The following ARHGEF18 variants were observed in gnomAD, a reference collection of about 807,000 sequenced individuals.
The protein encoded by ARHGEF18 is rho guanine nucleotide exchange factor 18.
ARHGEF18 carries 93 observed loss-of-function variants against 155.7 expected under a neutral mutation model. That is an observed-to-expected ratio of 0.60 (90% CI 0.50 to 0.71). ARHGEF18 has a LOEUF of 0.71. Among genes scored for constraint, ARHGEF18 ranks in the 30% least tolerant of loss-of-function variants. The pLI is 0.00. For missense variants in ARHGEF18, 1,593 were observed against 1,816.1 expected (o/e 0.88, Z 2.23); for synonymous variants, 742 against 753.1 (o/e 0.99, Z 0.24).
rs3810214 is a variant in ARHGEF18 at position 7,395,021 on chromosome 19, C to T, written c.967+11818C>T. The T allele has an allele frequency of 0.25, 244,424 of 982,178 alleles. 31,736 individuals carry two copies. Among genetic ancestry groups the T allele is most frequent in the Non-Finnish European group, 0.27 (219,937 of 827,034 alleles). 60.8% of individuals were successfully genotyped at this position (982,178 alleles called of 1,614,324 possible). A position where few individuals can be genotyped will look rare whatever the true frequency, so the allele number is the denominator to read the frequency against. On this transcript the variant is annotated intron_variant, in intron 10 of 28. Coordinates refer to ENST00000668164, the MANE Select transcript of ARHGEF18 (RefSeq NM_001367823.1). This position sits in a 1 kb window ranked among gnomAD's most constrained non-coding sequence, Gnocchi z 5.0. Reference sequence around the variant, plus strand: ...GGCTCGGGGAGCAGCAGCCCCAGGTCCCCGGGAGCGCCCCGCCCTCGAGGG... The same window carrying T: ...GGCTCGGGGAGCAGCAGCCCCAGGTTCCCGGGAGCGCCCCGCCCTCGAGGG...
At chr19:7,415,734 G>GAGA (rs1396196232) in intron 10 of ARHGEF18, among the ~76,000 whole-genome samples, 1 of 151,940 alleles carries the variant, frequency 6.6e-6, no homozygotes, top group Non-Finnish European at 1.5e-5. Flanking sequence ...CATGACCACA[G>GAGA]AGACCCGCAG....
chr19:7,420,128 A>C (rs1176490776), intron 10 of ARHGEF18, among the ~76,000 whole-genome samples: 1 of 152,058 alleles, frequency 6.6e-6, no homozygotes, highest in Admixed American at 6.6e-5. Flanking sequence ...AGCTCTCTCT[A>C]TATATTTTAG....
chr19:7,454,717 G>T (rs887194960), intron 17 of ARHGEF18, among the ~76,000 whole-genome samples: 1 of 152,162 alleles, frequency 6.6e-6, no homozygotes, highest in African/African-American at 2.4e-5. Context: ...TTGGAAGGGT[G>T]CAGTACACAC....
intron 10 of ARHGEF18, among the ~76,000 whole-genome samples, chr19:7,430,087 A>C (rs148715012): frequency 0.011 from 1,601 of 152,212 alleles, 39 homozygotes; most frequent in African/African-American, 0.036. Context: ...TTAATAACTG[A>C]TGACTAAACT....
Position 7,443,872 on chromosome 19 carries a change from C to A in ARHGEF18, c.1361-332C>A, listed in dbSNP as rs1057322533. ...TGAGCTGAGATTTTGCCACTGCACT[C>A]CAGCCTGGGCGACAGAGCAAGACTC... is the stretch of plus-strand genomic sequence containing the variant. On this transcript the variant is annotated intron_variant, in intron 13 of 28. Coordinates refer to ENST00000668164, the MANE Select transcript of ARHGEF18 (RefSeq NM_001367823.1). 1.7e-3 allele frequency among the ~76,000 whole-genome samples: 260 copies of A among 151,798 alleles called. 2 individuals carry two copies. The highest frequency in any genetic ancestry group is 2.6e-4 in the Non-Finnish European group (18 of 67,934).
At chr19:7,460,669 G>A (rs925357152) in intron 20 of ARHGEF18, among the ~76,000 whole-genome samples, 2 of 152,052 alleles carry the variant, frequency 1.3e-5, no homozygotes, top group African/African-American at 4.8e-5. Flanking sequence ...GGCTCCTCTC[G>A]AGGTGTGGTA....
chr19:7,466,326 T>G (rs1332180100), intron 23 of ARHGEF18, among the ~76,000 whole-genome samples: 1 of 142,400 alleles, frequency 7.0e-6, no homozygotes, highest in African/African-American at 2.7e-5. Flanking sequence ...GTGGTTTCAG[T>G]GAGCTGAGAT....
rs565647538 is a variant in ARHGEF18, at chr19:7,440,151, G to C, written c.968-193G>C. 4 of 1,551,286 alleles carry C rather than the reference G, an allele frequency of 2.6e-6. No individual in the cohort carries two copies. The highest frequency in any genetic ancestry group is 1.4e-5 in the African/African-American group (1 of 73,154). On this transcript the variant is annotated intron_variant, in intron 10 of 28. Transcript: ENST00000668164. This position sits in a 1 kb window ranked among gnomAD's most constrained non-coding sequence, Gnocchi z 5.4. ...CGGGGACAGGCACAGCGCGCTCCCCGGCCGCCCCGAGCTGTCTTTTTACGG... is the reference window on the plus strand; with the variant it reads ...CGGGGACAGGCACAGCGCGCTCCCCCGCCGCCCCGAGCTGTCTTTTTACGG...
At chr19:7,385,356 G>A (rs1044202431) in intron 10 of ARHGEF18, among the ~76,000 whole-genome samples, 6 of 151,952 alleles carry the variant, frequency 3.9e-5, no homozygotes, top group African/African-American at 1.2e-4. Flanking sequence ...AAATCCTGAG[G>A]TCTTTAAACT....
chr19:7,416,697 G>A lies in ARHGEF18; in HGVS notation c.968-23647G>A, dbSNP rs1215447144. 3.3e-5 allele frequency among the ~76,000 whole-genome samples: 5 copies of A among 149,518 alleles called. No individual in the cohort carries two copies. The Admixed American group carries it at 3.4e-4, about 10-fold the overall frequency. ...GGCTCACTGCAAACTCTGCCTCCCG[G>A]GTTCACACCATTCTCCTGCCTCAGC... is the stretch of plus-strand genomic sequence containing the variant. On this transcript the variant is annotated intron_variant, in intron 10 of 28. Coordinates refer to ENST00000668164, the MANE Select transcript of ARHGEF18 (RefSeq NM_001367823.1).
chr19:7,420,026 A>G (rs754568926), intron 10 of ARHGEF18, among the ~76,000 whole-genome samples: 46 of 149,442 alleles, frequency 3.1e-4, no homozygotes, highest in Admixed American at 6.0e-4. Context: ...CCCCAGGTGC[A>G]CCCACACTCA....
Position 7,470,142 on chromosome 19 carries a change from C to T in ARHGEF18, c.3930C>T (p.Ala1310=). The change falls in exon 29 of 29, where the codon GCC becomes GCT. Residue 1310 remains alanine, a synonymous_variant. Coordinates refer to ENST00000668164, the MANE Select transcript of ARHGEF18 (RefSeq NM_001367823.1). The surrounding 1 kb of genome is among the most constrained non-coding windows in gnomAD (Gnocchi z 5.9). Reference sequence around the variant, plus strand: ...CTGTTCCAGACCCTGGCTTCCCCGCCCCGAGCCCACCGCCAGCTGACAGCC... The same window carrying T: ...CTGTTCCAGACCCTGGCTTCCCCGCTCCGAGCCCACCGCCAGCTGACAGCC... ...PAPPPDPGFP[A]PSPPPADSPS... The T allele has an allele frequency of 6.2e-7, 1 of 1,612,282 alleles. No individual in the cohort carries two copies. The highest frequency in any genetic ancestry group is 8.5e-7 in the Non-Finnish European group (1 of 1,179,694).
chr19:7,474,754 A>AGAGTGTGTGTGTGTGTGTGTGT (rs1555733264), downstream of ARHGEF18, among the ~76,000 whole-genome samples: 1 of 141,970 alleles, frequency 7.0e-6, no homozygotes, highest in African/African-American at 2.7e-5. Context: ...TGGGCATTGG[A>AGAGTGTGTGTGTGTGTGTGTGT]GTGTGTGTGT....
At chr19:7,420,573 G>T in intron 10 of ARHGEF18, among the ~76,000 whole-genome samples, 1 of 152,166 alleles carries the variant, frequency 6.6e-6, no homozygotes, top group Non-Finnish European at 1.5e-5. Context: ...GTTTTTAAGT[G>T]ACTTGCTTTT....
rs910096025 is a variant in ARHGEF18, at chr19:7,356,286, T to C, written c.-110-6495T>C. Among the ~76,000 whole-genome samples the C allele has an allele frequency of 7.4e-4, 110 of 147,850 alleles. 1 individual carries two copies. Among genetic ancestry groups the C allele is most frequent in the Non-Finnish European group, 1.4e-3 (96 of 67,718 alleles). On this transcript the variant is annotated intron_variant, in intron 1 of 28. Coordinates refer to ENST00000668164, the MANE Select transcript of ARHGEF18 (RefSeq NM_001367823.1). ...GACACTTTTTCTTTTTTTTTTTTTT[T>C]CTGAGACCGAGTCTCATTCGGTCGC...
At chr19:7,402,655 G>C (rs976839180) in intron 10 of ARHGEF18, among the ~76,000 whole-genome samples, 3 of 152,128 alleles carry the variant, frequency 2.0e-5, no homozygotes, top group Middle Eastern at 3.2e-3. Flanking sequence ...GAAGACTGGG[G>C]GGTAAAGCTA....
rs530974038 is a variant in ARHGEF18, at chr19:7,394,825, C to T, written c.967+11622C>T. ...CTCTGGATCCCCGCAACCCAGCTGTCCCCTCAGAGCCCCCGGCCCTACTGA... is the reference window on the plus strand; with the variant it reads ...CTCTGGATCCCCGCAACCCAGCTGTTCCCTCAGAGCCCCCGGCCCTACTGA... On this transcript the variant is annotated intron_variant, in intron 10 of 28. Coordinates refer to ENST00000668164, the MANE Select transcript of ARHGEF18 (RefSeq NM_001367823.1). 3.8e-4 allele frequency among the ~76,000 whole-genome samples: 58 copies of T among 152,262 alleles called. 1 individual carries two copies. The South Asian group carries it at 0.012, about 30-fold the overall frequency.
chr19:7,470,523 T>A lies in ARHGEF18; in HGVS notation c.*225T>A. 2.4e-6 allele frequency: 1 copy of A among 420,376 alleles called. No homozygotes were observed. The highest frequency in any genetic ancestry group is 4.4e-5 in the Admixed American group (1 of 22,702). The allele number at this position is 420,376 out of a possible 1,614,324, so 26.0% of individuals were successfully genotyped here. A position where few individuals can be genotyped will look rare whatever the true frequency, so the allele number is the denominator to read the frequency against. ...GGGTCACTTTCTGAATCTCTTTTTTTTTTTTTCAAAAAGGAAAGTTTTTAA... is the reference window on the plus strand; with the variant it reads ...GGGTCACTTTCTGAATCTCTTTTTTATTTTTTCAAAAAGGAAAGTTTTTAA... On this transcript the variant is annotated 3_prime_UTR_variant, in exon 29 of 29. Transcript: ENST00000668164. The surrounding 1 kb of genome is among the most constrained non-coding windows in gnomAD (Gnocchi z 5.9).
rs778540326 is a variant in ARHGEF18 at position 7,459,890 on chromosome 19, C to T, written c.2361-13C>T. ...GGGAAGCACAGTTACCCACCCGACT[C>T]CTCTCCCTGCAGCTGCCCTGACGAG... On this transcript the variant is annotated splice_polypyrimidine_tract_variant and intron_variant, in intron 19 of 28. Coordinates refer to ENST00000668164, the MANE Select transcript of ARHGEF18 (RefSeq NM_001367823.1). The T allele has an allele frequency of 3.2e-6, 5 of 1,561,650 alleles. No homozygotes were observed. In the East Asian group the frequency reaches 9.6e-5, roughly 30 times the overall value.
Sources: gnomAD v4.1 joint callset for allele counts (sites outside exome capture counted in the v4.1 genomes callset) on GRCh38, gnomAD v4.1.1 for gene constraint, Gnocchi (gnomAD v3.1) non-coding constraint, MANE v1.5 for transcripts, NCBI Gene and HGNC (gene_info 2026-07-23, HGNC 2026-07-21) for gene names.